The following PDE6D variants were observed in gnomAD, a reference collection of about 807,000 sequenced individuals.
PDE6D encodes the protein retinal rod rhodopsin-sensitive cGMP 3',5'-cyclic phosphodiesterase subunit delta.
A neutral mutation model predicts 21.9 loss-of-function variants in PDE6D; 10 were observed. The observed-to-expected ratio is 0.46, with a 90% CI of 0.28 to 0.78. The LOEUF (loss-of-function observed/expected upper bound fraction) is 0.78, where lower values mean the gene tolerates loss of function less well. PDE6D is among the 30% of genes least tolerant of loss of function. The pLI is 0.12. For synonymous variants in PDE6D, 59 were observed against 63.5 expected, an observed-to-expected ratio of 0.93 and a Z score of 0.34; for missense variants, 139 against 184.8, an observed-to-expected ratio of 0.75 and a Z score of 1.44.
intron 1 of PDE6D, among the ~76,000 whole-genome samples, chr2:231,766,993 C>CAAA (rs3038045): frequency 0.17 from 6,108 of 36,632 alleles, 788 homozygotes; most frequent in Non-Finnish European, 0.23. Flanking sequence ...GACTCCGTCT[C>CAAA]AAAAAAAAAA....
In PDE6D at chr2:231,739,255, T is replaced by C; in HGVS notation, c.51-67A>G. The C allele has an allele frequency of 1.1e-6, 1 of 928,668 alleles. No individual in the cohort carries two copies. Among genetic ancestry groups the C allele is most frequent in the Non-Finnish European group, 1.8e-6 (1 of 555,826 alleles). 57.5% of individuals were successfully genotyped at this position (928,668 alleles called of 1,614,324 possible). The stretch of plus-strand genomic sequence containing the variant: ...ACTCCCACTTTGTATTCTAGGTGTC[T>C]CATGTTTACTCCCACCAACTCTTGT... On this transcript the variant is annotated intron_variant, in intron 1 of 4. Transcript: ENST00000287600. The surrounding 1 kb of genome is among the most constrained non-coding windows in gnomAD (Gnocchi z 4.2).
intron 4 of PDE6D, among the ~76,000 whole-genome samples, chr2:231,734,420 TGAA>T (rs139571849): frequency 0.02 from 3,052 of 149,300 alleles, 71 homozygotes; most frequent in Middle Eastern, 0.059. Context: ...TCACGCCTCG[TGAA>T]GAAGAAGTCA....
At chr2:231,763,466 A>AC in intron 1 of PDE6D, among the ~76,000 whole-genome samples, 1 of 152,280 alleles carries the variant, frequency 6.6e-6, no homozygotes, top group Non-Finnish European at 1.5e-5. Context: ...CCACAGCTGT[A>AC]CCACTCAGAA....
rs2106262561 is a variant in PDE6D, at chr2:231,739,927, TA to T, written c.51-740del. On this transcript the variant is annotated intron_variant, in intron 1 of 4. Coordinates refer to ENST00000287600, the MANE Select transcript of PDE6D (RefSeq NM_002601.4). The surrounding 1 kb of genome is among the most constrained non-coding windows in gnomAD (Gnocchi z 4.2). ...TTTTAAATATGAGAAGATAGCCAAG[TA>T]TCAACAGAAATTTAAGAAAGCATTT... Among the ~76,000 whole-genome samples, 1 of 152,104 alleles carries T rather than the reference TA, an allele frequency of 6.6e-6. No individual in the cohort carries two copies. Among genetic ancestry groups the T allele is most frequent in the South Asian group, 2.1e-4 (1 of 4,812 alleles).
chr2:231,745,407 AGAG>A (rs1160115889), intron 1 of PDE6D, among the ~76,000 whole-genome samples: 7 of 152,184 alleles, frequency 4.6e-5, no homozygotes, highest in Non-Finnish European at 8.8e-5. Context: ...TCCAATCTTG[AGAG>A]GAGGATTAGG....
chr2:231,770,385 G>A (rs1232380740), intron 1 of PDE6D, among the ~76,000 whole-genome samples: 3 of 152,104 alleles, frequency 2.0e-5, no homozygotes, highest in African/African-American at 7.2e-5. Flanking sequence ...AACTCTAATT[G>A]TTAAAAAATT....
At chr2:231,757,299 G>C (rs959259327) in intron 1 of PDE6D, among the ~76,000 whole-genome samples, 1 of 150,188 alleles carries the variant, frequency 6.7e-6, no homozygotes, top group Non-Finnish European at 1.5e-5. Context: ...AGTATTAAAC[G>C]ATTTATTTTT....
intron 1 of PDE6D, among the ~76,000 whole-genome samples, chr2:231,742,379 TC>T (rs1432866953): frequency 2.0e-5 from 3 of 152,208 alleles, no homozygotes; most frequent in South Asian, 4.1e-4. Context: ...TGCCTTGGCC[TC>T]CCAAAGTGCT....
At chr2:231,740,680 C>T (rs1347657806) in intron 1 of PDE6D, among the ~76,000 whole-genome samples, 1 of 57,004 alleles carries the variant, frequency 1.8e-5, no homozygotes, top group Non-Finnish European at 3.7e-5. Context: ...GACCCTGTCT[C>T]AAAAAAAAAA....
At chr2:231,777,077 C>T (rs919766561) in intron 1 of PDE6D, among the ~76,000 whole-genome samples, 3 of 152,100 alleles carry the variant, frequency 2.0e-5, no homozygotes, top group Admixed American at 1.3e-4. Flanking sequence ...AAAGATTGAC[C>T]TAGTCAACGT....
intron 1 of PDE6D, among the ~76,000 whole-genome samples, chr2:231,749,127 G>C (rs1478612825): frequency 1.3e-5 from 2 of 152,160 alleles, no homozygotes; most frequent in Non-Finnish European, 2.9e-5. Flanking sequence ...CTTGCACCGT[G>C]CACCTGGAAA....
At chr2:231,778,422 A>C (rs2049074083) in intron 1 of PDE6D, among the ~76,000 whole-genome samples, 2 of 152,258 alleles carry the variant, frequency 1.3e-5, no homozygotes, top group Non-Finnish European at 2.9e-5. Context: ...AGAAAAATAA[A>C]CAATAGTAAA....
intron 1 of PDE6D, among the ~76,000 whole-genome samples, chr2:231,741,698 T>G (rs1399527280): frequency 6.6e-6 from 1 of 152,030 alleles, no homozygotes; most frequent in African/African-American, 2.4e-5. Flanking sequence ...GCACAGAAAA[T>G]CTAAGCAAAT....
intron 1 of PDE6D, 90 bp downstream of exon 1, chr2:231,780,975 A>C: frequency 8.5e-7 from 1 of 1,171,858 alleles, no homozygotes; most frequent in South Asian, 1.3e-5. Flanking sequence ...TGTGGGGCCC[A>C]CCTGGCGCGG....
chr2:231,754,379 C>T (rs529241651), intron 1 of PDE6D, among the ~76,000 whole-genome samples: 113 of 135,368 alleles, frequency 8.3e-4, no homozygotes, highest in Middle Eastern at 4.4e-3. Flanking sequence ...TTTTTTGAGA[C>T]GGAGTCTCCC....
chr2:231,744,438 T>C (rs977085164), intron 1 of PDE6D, among the ~76,000 whole-genome samples: 17 of 151,258 alleles, frequency 1.1e-4, no homozygotes, highest in African/African-American at 4.1e-4. Context: ...GCTTTTCTTT[T>C]TTTTTTTTTT....
At chr2:231,769,550 G>GTA (rs375842151) in intron 1 of PDE6D, among the ~76,000 whole-genome samples, 3,812 of 149,768 alleles carry the variant, frequency 0.025, 70 homozygotes, top group African/African-American at 0.043. Context: ...ACAGAGATAT[G>GTA]TATATATATA....
In PDE6D at chr2:231,743,143, C is replaced by T. The variant is rs541125150; in HGVS notation, c.51-3955G>A. 3.3e-5 allele frequency among the ~76,000 whole-genome samples: 5 copies of T among 152,126 alleles called. No homozygotes were observed. In the East Asian group the frequency reaches 9.7e-4, roughly 29 times the overall value. The stretch of plus-strand genomic sequence containing the variant: ...TTTTGCTGCTATACGAGAAAAGTCT[C>T]GGCTGGGCGTCGTGGCTCACGCCTG... On this transcript the variant is annotated intron_variant, in intron 1 of 4. Coordinates refer to ENST00000287600, the MANE Select transcript of PDE6D (RefSeq NM_002601.4).
intron 1 of PDE6D, among the ~76,000 whole-genome samples, chr2:231,751,502 C>T (rs1464874970): frequency 1.3e-5 from 2 of 152,162 alleles, no homozygotes; most frequent in African/African-American, 4.8e-5. Context: ...TCATTTATTG[C>T]ACACCCAGTT....
Sources: allele counts gnomAD v4.1 joint callset (sites outside exome capture counted in the v4.1 genomes callset), GRCh38; gene constraint gnomAD v4.1.1; non-coding constraint Gnocchi (gnomAD v3.1); transcripts MANE v1.5; gene names NCBI Gene and HGNC (gene_info 2026-07-23, HGNC 2026-07-21).